Variants in SLC31A1 observed in about 807,000 individuals in gnomAD.
SLC31A1 encodes the protein high affinity copper uptake protein 1.
In SLC31A1, 5 loss-of-function variants were observed where a neutral mutation model predicts 17.2. That is an observed-to-expected ratio of 0.29 (90% CI 0.15 to 0.61). SLC31A1 has a LOEUF of 0.61. Among genes scored for constraint, SLC31A1 ranks in the 20% least tolerant of loss-of-function variants. SLC31A1 has a pLI of 0.86. For synonymous variants in SLC31A1, 76 were observed against 78.8 expected (o/e 0.96, Z 0.19); for missense variants, 161 against 241.4 (o/e 0.67, Z 2.21).
intron 1 of SLC31A1, among the ~76,000 whole-genome samples, chr9:113,231,379 C>T (rs553786928): frequency 2.0e-4 from 30 of 152,168 alleles, no homozygotes; most frequent in Non-Finnish European, 3.4e-4. Flanking sequence ...GCCTGGGCAA[C>T]ATAGGGAGAC....
In SLC31A1 at chr9:113,223,009, C is replaced by T. The variant is rs1422097856; in HGVS notation, c.-36+1331C>T. ...TACTTAAAGTCACTTGCAAAGCAGT[C>T]TCACTGCAGAATCTTTCTAGGTGTT... is the stretch of plus-strand genomic sequence containing the variant. On this transcript the variant is annotated intron_variant, in intron 1 of 4. Transcript: ENST00000374212. 3.3e-5 allele frequency among the ~76,000 whole-genome samples: 5 copies of T among 152,168 alleles called. No homozygotes were observed. The South Asian group carries it at 1.0e-3, about 32-fold the overall frequency.
intron 1 of SLC31A1, chr9:113,227,723 A>G (rs961621474): frequency 1.3e-5 from 2 of 152,258 alleles, no homozygotes; most frequent in African/African-American, 4.8e-5. Flanking sequence ...TAGGCAAACC[A>G]ACAACATTAT....
chr9:113,257,019 TCTTCTA>T, intron 2 of SLC31A1, 88 bp from the exon 3 acceptor site: 1 of 1,017,700 alleles, frequency 9.8e-7, no homozygotes, highest in Non-Finnish European at 1.6e-6. Flanking sequence ...ATTATCCAGA[TCTTCTA>T]CTTTTAAATG....
chr9:113,232,815 G>T (rs542035504), intron 1 of SLC31A1, among the ~76,000 whole-genome samples: 145 of 151,932 alleles, frequency 9.5e-4, no homozygotes, highest in African/African-American at 3.3e-3. Flanking sequence ...CTGCACTCCA[G>T]CCTGGGTGAC....
rs1164997698 is a variant in SLC31A1, at chr9:113,260,297, C to T, written c.397C>T (p.Leu133Phe). 1 of 1,614,134 alleles carries T rather than the reference C, an allele frequency of 6.2e-7. No individual in the cohort carries two copies. The highest frequency in any genetic ancestry group is 8.5e-7 in the Non-Finnish European group (1 of 1,180,002). Residue 133 changes from leucine (L) to phenylalanine (F), a missense_variant, in exon 5 of 5, where the codon CTC (leucine) becomes TTC (phenylalanine). By Grantham distance (22) the Leu-to-Phe change is conservative (BLOSUM62 0). Transcript: ENST00000374212. Reference sequence around the variant, plus strand: ...GCAACAGATGCTGAGCTTTCCTCACCTCCTGCAAACAGTGCTGCACATCAT... The same window carrying T: ...GCAACAGATGCTGAGCTTTCCTCACTTCCTGCAAACAGTGCTGCACATCAT... The part of the protein sequence containing the change: ...VGQQMLSFPH[L>F]LQTVLHIIQV...
chr9:113,225,946 C>A (rs1831335465), intron 1 of SLC31A1, among the ~76,000 whole-genome samples: 1 of 152,072 alleles, frequency 6.6e-6, no homozygotes, highest in South Asian at 2.1e-4. Context: ...CCAGCCTGGC[C>A]AACATGGTGA....
Position 113,240,283 on chromosome 9 carries a change from T to A in SLC31A1, c.-35-15831T>A, listed in dbSNP as rs1248346094. ...CACAAAGGCAAGTACCTTGTCTTTT[T>A]GCATCAGACTCCTTATAGGTAGATA... On this transcript the variant is annotated intron_variant, in intron 1 of 4. Coordinates refer to ENST00000374212, the MANE Select transcript of SLC31A1 (RefSeq NM_001859.4). Among the ~76,000 whole-genome samples, 4 of 152,210 alleles carry A rather than the reference T, an allele frequency of 2.6e-5. No homozygotes were observed. In the East Asian group the frequency reaches 7.7e-4, roughly 29 times the overall value.
chr9:113,260,127 C>T (rs931288750), intron 4 of SLC31A1, 145 bp from the exon 5 acceptor site: 5 of 731,828 alleles, frequency 6.8e-6, no homozygotes, highest in African/African-American at 5.2e-5. Context: ...TTCCATGGAC[C>T]AATCAAAGAA....
Position 113,263,685 on chromosome 9 carries a change from G to C in SLC31A1, c.*3212G>C, listed in dbSNP as rs942040737. Reference sequence around the variant, plus strand: ...AAACCTGTTAAGAGACTTTAAGCATGCTTCAAGAGGCAGTTGACCCACTGG... The same window carrying C: ...AAACCTGTTAAGAGACTTTAAGCATCCTTCAAGAGGCAGTTGACCCACTGG... On this transcript the variant is annotated 3_prime_UTR_variant, in exon 5 of 5. Transcript: ENST00000374212. The C allele has an allele frequency of 2.6e-5, 4 of 152,576 alleles. No individual in the cohort carries two copies. Among genetic ancestry groups the C allele is most frequent in the African/African-American group, 9.7e-5 (4 of 41,412 alleles). 9.5% of individuals were successfully genotyped at this position (152,576 alleles called of 1,614,324 possible). A position where few individuals can be genotyped will look rare whatever the true frequency, so the allele number is the denominator to read the frequency against.
chr9:113,250,965 C>T (rs1831644870), intron 1 of SLC31A1, among the ~76,000 whole-genome samples: 1 of 152,294 alleles, frequency 6.6e-6, no homozygotes, highest in East Asian at 1.9e-4. Context: ...TGCCTTTCTG[C>T]TTCTCTGCCA....
chr9:113,229,792 AT>A (rs1210670338), intron 1 of SLC31A1, among the ~76,000 whole-genome samples: 1 of 152,202 alleles, frequency 6.6e-6, no homozygotes, highest in Non-Finnish European at 1.5e-5. Context: ...TAATATCTTA[AT>A]TTTTATCTCT....
chr9:113,236,597 C>T (rs997313050), intron 1 of SLC31A1, among the ~76,000 whole-genome samples: 1 of 149,840 alleles, frequency 6.7e-6, no homozygotes, highest in East Asian at 2.0e-4. Flanking sequence ...CTCCTGACCT[C>T]GTGATCCGCC....
chr9:113,243,213 T>G (rs1249241622), intron 1 of SLC31A1, among the ~76,000 whole-genome samples: 1 of 152,216 alleles, frequency 6.6e-6, no homozygotes, highest in Non-Finnish European at 1.5e-5. Flanking sequence ...CTGTGTCCTC[T>G]CTCACATTTA....
intron 1 of SLC31A1, among the ~76,000 whole-genome samples, chr9:113,245,885 C>T (rs1016568140): frequency 1.3e-5 from 2 of 151,988 alleles, no homozygotes; most frequent in South Asian, 4.1e-4. Flanking sequence ...CTGCCTGCCT[C>T]GGCCTCCCAA....
chr9:113,257,645 G>C (rs901975923), intron 3 of SLC31A1, among the ~76,000 whole-genome samples: 2 of 151,852 alleles, frequency 1.3e-5, no homozygotes, highest in African/African-American at 4.8e-5. Flanking sequence ...CTACCGCCAT[G>C]CCTGGCTAAT....
chr9:113,237,877 C>A (rs1228155622), intron 1 of SLC31A1, among the ~76,000 whole-genome samples: 1 of 152,116 alleles, frequency 6.6e-6, no homozygotes, highest in Non-Finnish European at 1.5e-5. Context: ...TATTGAATAG[C>A]CACCTAAAGG....
At chr9:113,250,904 C>A (rs542277328) in intron 1 of SLC31A1, among the ~76,000 whole-genome samples, 5 of 152,160 alleles carry the variant, frequency 3.3e-5, no homozygotes, top group African/African-American at 1.2e-4. Context: ...TTCGTTCCTG[C>A]AAGATTGGGT....
intron 4 of SLC31A1, among the ~76,000 whole-genome samples, chr9:113,259,439 C>G (rs1287775551): frequency 6.6e-6 from 1 of 152,120 alleles, no homozygotes; most frequent in Non-Finnish European, 1.5e-5. Flanking sequence ...ATTTATTGTA[C>G]TGATGAGCTT....
At chr9:113,234,368 G>T (rs1831432460) in intron 1 of SLC31A1, among the ~76,000 whole-genome samples, 1 of 150,968 alleles carries the variant, frequency 6.6e-6, no homozygotes, top group East Asian at 1.9e-4. Flanking sequence ...GTAGAGATGG[G>T]GTTTCACCAT....
Sources: gnomAD v4.1 joint callset for allele counts (sites outside exome capture counted in the v4.1 genomes callset) on GRCh38, gnomAD v4.1.1 for gene constraint, MANE v1.5 for transcripts, NCBI Gene and HGNC (gene_info 2026-07-23, HGNC 2026-07-21) for gene names.